ELF2: variants seen among roughly 807,000 people sequenced by gnomAD.
The protein encoded by ELF2 is ETS-related transcription factor Elf-2.
ELF2 carries 11 observed loss-of-function variants against 54.8 expected under a neutral mutation model. The observed-to-expected ratio is 0.20, with a 90% CI of 0.13 to 0.33. ELF2 has a LOEUF of 0.33. Among genes scored for constraint, ELF2 ranks in the 10% least tolerant of loss-of-function variants. ELF2 has a pLI of 1.00. For missense variants in ELF2, 513 were observed against 703.0 expected (o/e 0.73, Z 3.06); for synonymous variants, 203 against 245.1 (o/e 0.83, Z 1.61).
intron 1 of ELF2, among the ~76,000 whole-genome samples, chr4:139,144,492 C>G (rs191759099): frequency 2.4e-4 from 37 of 151,922 alleles, no homozygotes; most frequent in African/African-American, 9.0e-4. Flanking sequence ...TGGGGATGAA[C>G]TGCCTTGGCT....
rs564381513 is a variant in ELF2, at chr4:139,124,813, A to AT, written c.238+350dup. ...ATCAATTAGACAATGATAGAATACCATTTTTTTTAATTTAAAAAGCTGTCC... is the reference window on the plus strand; with the variant it reads ...ATCAATTAGACAATGATAGAATACCATTTTTTTTTAATTTAAAAAGCTGTCC... On this transcript the variant is annotated intron_variant, in intron 4 of 9. Coordinates refer to ENST00000686138, the MANE Select transcript of ELF2 (RefSeq NM_001331036.3). Among the ~76,000 whole-genome samples the AT allele has an allele frequency of 1.1e-3, 161 of 152,038 alleles. 2 individuals are homozygous for AT. Among genetic ancestry groups the AT allele is most frequent in the African/African-American group, 3.7e-3 (153 of 41,482 alleles).
chr4:139,160,887 C>T (rs1042800965), intron 1 of ELF2, among the ~76,000 whole-genome samples: 3 of 152,088 alleles, frequency 2.0e-5, no homozygotes, highest in Non-Finnish European at 1.5e-5. Context: ...GTCTTGAACC[C>T]GGGAGGTGGA....
intron 4 of ELF2, chr4:139,102,401 G>C (rs1300603109): frequency 1.3e-5 from 2 of 151,414 alleles, no homozygotes; most frequent in Admixed American, 1.3e-4. Flanking sequence ...GGCGTGGTGG[G>C]TGGTGGCGGG....
intron 4 of ELF2, among the ~76,000 whole-genome samples, chr4:139,082,242 C>T (rs2148726426): frequency 6.6e-6 from 1 of 152,332 alleles, no homozygotes; most frequent in South Asian, 2.1e-4. Context: ...ATCTCTTGAA[C>T]TGTACATATT....
chr4:139,107,791 A>G (rs1282506427), intron 4 of ELF2, among the ~76,000 whole-genome samples: 1 of 152,208 alleles, frequency 6.6e-6, no homozygotes, highest in Non-Finnish European at 1.5e-5. Context: ...CAAATATAAC[A>G]TAACAACTCT....
chr4:139,104,752 C>A (rs1465989196), intron 4 of ELF2, among the ~76,000 whole-genome samples: 2 of 152,110 alleles, frequency 1.3e-5, no homozygotes, highest in Admixed American at 6.5e-5. Flanking sequence ...TTTAGGAATA[C>A]TTAATTCCAT....
intron 1 of ELF2, among the ~76,000 whole-genome samples, chr4:139,166,662 A>T (rs1400536613): frequency 6.6e-6 from 1 of 152,036 alleles, no homozygotes; most frequent in East Asian, 1.9e-4. Context: ...AGGTCAGGAG[A>T]TCGAGACCAT....
intron 4 of ELF2, among the ~76,000 whole-genome samples, chr4:139,099,690 C>T (rs1733673034): frequency 6.6e-6 from 1 of 152,200 alleles, no homozygotes; most frequent in Non-Finnish European, 1.5e-5. Context: ...CAGGCCATTT[C>T]ATTAACCTCA....
At chr4:139,087,718 G>A (rs1732136008) in intron 4 of ELF2, among the ~76,000 whole-genome samples, 1 of 152,052 alleles carries the variant, frequency 6.6e-6, no homozygotes, top group Admixed American at 6.6e-5. Context: ...GCCCTCCCCG[G>A]CCTCCCAAAA....
intron 3 of ELF2, 53 bp downstream of exon 3, chr4:139,137,577 C>A: frequency 6.4e-7 from 1 of 1,557,904 alleles, no homozygotes; most frequent in South Asian, 1.1e-5. Context: ...AAAATTAGTT[C>A]ATGCACAAAT....
In ELF2 at chr4:139,057,448, A is replaced by G. The variant is rs957763405; in HGVS notation, c.*1535T>C. 1.3e-5 allele frequency: 2 copies of G among 152,228 alleles called. No individual in the cohort carries two copies. The highest frequency in any genetic ancestry group is 4.8e-5 in the African/African-American group (2 of 41,460). The allele number at this position is 152,228 out of a possible 1,614,324, so 9.4% of individuals were successfully genotyped here. ...GATAACTTTTCTTTGTAGTAGAAAGAGCATTAAGATATGGAGTGACAGACA... is the reference window on the plus strand; with the variant it reads ...GATAACTTTTCTTTGTAGTAGAAAGGGCATTAAGATATGGAGTGACAGACA... On this transcript the variant is annotated 3_prime_UTR_variant, in exon 10 of 10. Transcript: ENST00000686138.
At chr4:139,112,644 TCTC>T (rs768278051) in intron 4 of ELF2, among the ~76,000 whole-genome samples, 2 of 152,228 alleles carry the variant, frequency 1.3e-5, no homozygotes, top group Non-Finnish European at 2.9e-5. Context: ...CAGTTAGCCT[TCTC>T]CTCAGTCTGA....
In ELF2 at chr4:139,125,281, G is replaced by C; in HGVS notation, c.121C>G (p.Pro41Ala). Reference sequence around the variant, plus strand: ...TAGCCCTGCTCTAATCTGGCACTTGGAACTGGCTCCACAATCACTGCTGGA... The same window carrying C: ...TAGCCCTGCTCTAATCTGGCACTTGCAACTGGCTCCACAATCACTGCTGGA... ...EYPAVIVEPV[P>A]SARLEQGYAA... Residue 41 changes from proline (P) to alanine (A), a missense_variant, in exon 4 of 10, where the codon CCA (proline) becomes GCA (alanine). Around this residue, in one of 3 missense-constraint regions of ELF2, gnomAD observed 203 missense variants for 245.9 expected, o/e 0.83. Coordinates refer to ENST00000686138, the MANE Select transcript of ELF2 (RefSeq NM_001331036.3). 6.2e-7 allele frequency: 1 copy of C among 1,613,686 alleles called. No individual in the cohort carries two copies. Among genetic ancestry groups the C allele is most frequent in the Non-Finnish European group, 8.5e-7 (1 of 1,179,894 alleles).
intron 7 of ELF2, chr4:139,067,470 A>C (rs986405613): frequency 3.9e-6 from 2 of 510,698 alleles, no homozygotes; most frequent in East Asian, 5.9e-5. Flanking sequence ...CCATGATACA[A>C]CTATGGTTAC....
intron 4 of ELF2, among the ~76,000 whole-genome samples, chr4:139,119,758 A>G (rs963723740): frequency 6.6e-6 from 1 of 151,970 alleles, no homozygotes; most frequent in Non-Finnish European, 1.5e-5. Flanking sequence ...TTGACTACAC[A>G]TTTGTGCATC....
At chr4:139,174,831 TTGG>T (rs1401406093) in intron 1 of ELF2, among the ~76,000 whole-genome samples, 5 of 152,282 alleles carry the variant, frequency 3.3e-5, no homozygotes, top group Admixed American at 3.3e-4. Context: ...GTCACCCAGG[TTGG>T]TGTCCAAACT....
chr4:139,173,466 A>AAAT (rs1196937027), intron 1 of ELF2, among the ~76,000 whole-genome samples: 1 of 152,186 alleles, frequency 6.6e-6, no homozygotes, highest in Non-Finnish European at 1.5e-5. Flanking sequence ...TCAATAAAAA[A>AAAT]AATGATTACA....
chr4:139,060,988 A>T (rs1025481394), intron 8 of ELF2, among the ~76,000 whole-genome samples: 13 of 152,184 alleles, frequency 8.5e-5, no homozygotes, highest in Admixed American at 2.0e-4. Context: ...AATGGTAGAA[A>T]TTATTTTCTG....
At chr4:139,063,827 T>A (rs1407664333) in intron 7 of ELF2, among the ~76,000 whole-genome samples, 1 of 150,398 alleles carries the variant, frequency 6.6e-6, no homozygotes, top group Non-Finnish European at 1.5e-5. Context: ...AGGATGTGCA[T>A]AAAAGAACAA....
Sources: allele counts gnomAD v4.1 joint callset (sites outside exome capture counted in the v4.1 genomes callset), GRCh38; gene constraint gnomAD v4.1.1; regional missense constraint gnomAD v4.1.1; transcripts MANE v1.5; gene names NCBI Gene and HGNC (gene_info 2026-07-23, HGNC 2026-07-21).